The following CNIH3 variants were observed in gnomAD, a reference collection of about 807,000 sequenced individuals.
CNIH3 encodes protein cornichon homolog 3.
Under a neutral mutation model 24.1 loss-of-function variants are expected in CNIH3, and 14 were observed. That is an observed-to-expected ratio of 0.58 (90% CI 0.38 to 0.91). The LOEUF is 0.91. Ranked by LOEUF, CNIH3 falls within the 40% of genes least tolerant of loss-of-function variation. The pLI, the probability that CNIH3 is intolerant of heterozygous loss-of-function variation, is 0.00. For synonymous variants in CNIH3, 68 were observed against 73.8 expected (o/e 0.92, Z 0.40); for missense variants, 178 against 196.8 (o/e 0.90, Z 0.57).
chr1:224,730,381 C>A, intron 3 of CNIH3, 81 bp from the exon 4 acceptor site: 1 of 874,638 alleles, frequency 1.1e-6, no homozygotes, highest in Non-Finnish European at 1.8e-6. Flanking sequence ...AGGCAGTGTC[C>A]AGGCAGAAGT....
intron 3 of CNIH3, among the ~76,000 whole-genome samples, chr1:224,690,735 T>C (rs1457185307): frequency 2.0e-5 from 3 of 152,232 alleles, no homozygotes; most frequent in South Asian, 2.1e-4. Context: ...TCATTCTTCA[T>C]TGGGCATTCT....
At chr1:224,671,603 C>T (rs1409022696) in intron 1 of CNIH3, among the ~76,000 whole-genome samples, 1 of 152,238 alleles carries the variant, frequency 6.6e-6, no homozygotes, top group Non-Finnish European at 1.5e-5. Context: ...ACCTCTCATT[C>T]TTCTTGATTC....
intron 3 of CNIH3, among the ~76,000 whole-genome samples, chr1:224,594,555 A>G (rs772696252): frequency 1.4e-4 from 21 of 152,198 alleles, no homozygotes; most frequent in Non-Finnish European, 2.9e-4. Flanking sequence ...CACAAGGGAA[A>G]GCACCAGTGT....
At chr1:224,535,216 G>T (rs1679236688) in intron 2 of CNIH3, among the ~76,000 whole-genome samples, 1 of 152,180 alleles carries the variant, frequency 6.6e-6, no homozygotes, top group Non-Finnish European at 1.5e-5. Flanking sequence ...GACGCAGCGA[G>T]GAGAGCATCA....
At position 224,636,433 on chromosome 1, in the gene CNIH3, G is replaced by A. The variant is rs141840081; in HGVS notation, c.81+19178G>A. ...TCACAGCCTATTCAGGACGAAGCCC[G>A]GAGGGGAATTCTGCTTCCTAATTAC... On this transcript the variant is annotated intron_variant, in intron 1 of 5. Coordinates refer to ENST00000272133, the MANE Select transcript of CNIH3 (RefSeq NM_152495.2). Among the ~76,000 whole-genome samples, 168 of 152,298 alleles carry A rather than the reference G, an allele frequency of 1.1e-3. 3 individuals are homozygous for A. Among genetic ancestry groups the A allele is most frequent in the African/African-American group, 3.8e-3 (158 of 41,564 alleles).
intron 3 of CNIH3, among the ~76,000 whole-genome samples, chr1:224,547,419 C>T (rs1291012134): frequency 6.6e-6 from 1 of 151,722 alleles, no homozygotes; most frequent in African/African-American, 2.4e-5. Flanking sequence ...AGATATTACC[C>T]CTAATATTAC....
intron 3 of CNIH3, among the ~76,000 whole-genome samples, chr1:224,702,918 C>T (rs1471289389): frequency 6.6e-6 from 1 of 152,186 alleles, no homozygotes; most frequent in Non-Finnish European, 1.5e-5. Context: ...AGATAGTATC[C>T]TCTACCTTTA....
chr1:224,435,584 G>C (rs1294032755), intron 1 of CNIH3: 1 of 152,252 alleles, frequency 6.6e-6, no homozygotes, highest in African/African-American at 2.4e-5. Context: ...TCACTGCCCA[G>C]TTTAGGGAGC....
chr1:224,467,411 C>T (rs1485522521), intron 1 of CNIH3, among the ~76,000 whole-genome samples: 1 of 151,940 alleles, frequency 6.6e-6, no homozygotes, highest in Non-Finnish European at 1.5e-5. Context: ...TCAAGTTTTC[C>T]TGGATCATAG....
At chr1:224,631,192 G>A (rs1393459530) in intron 1 of CNIH3, among the ~76,000 whole-genome samples, 1 of 152,050 alleles carries the variant, frequency 6.6e-6, no homozygotes, top group East Asian at 1.9e-4. Flanking sequence ...AAAACCAAAG[G>A]TGCATGCTCA....
chr1:224,689,240 A>T (rs1195241230), intron 3 of CNIH3, among the ~76,000 whole-genome samples: 4 of 152,180 alleles, frequency 2.6e-5, no homozygotes, highest in Admixed American at 1.3e-4. Flanking sequence ...GGGTAAAAAT[A>T]ACAGGACCGT....
intron 3 of CNIH3, among the ~76,000 whole-genome samples, chr1:224,711,919 T>C (rs1192707289): frequency 6.6e-6 from 1 of 152,060 alleles, no homozygotes; most frequent in African/African-American, 2.4e-5. Flanking sequence ...CTGCTGTGCA[T>C]GCCACTCTCA....
intron 3 of CNIH3, among the ~76,000 whole-genome samples, chr1:224,725,377 G>T (rs944445892): frequency 6.6e-6 from 1 of 152,198 alleles, no homozygotes; most frequent in Non-Finnish European, 1.5e-5. Context: ...CTCAGCATGG[G>T]TAGCTGCTTT....
chr1:224,495,553 G>A (rs751684228), intron 1 of CNIH3, among the ~76,000 whole-genome samples: 1 of 152,178 alleles, frequency 6.6e-6, no homozygotes, highest in Non-Finnish European at 1.5e-5. Context: ...GCATCAATAT[G>A]AATGAATCAC....
intron 1 of CNIH3, among the ~76,000 whole-genome samples, chr1:224,492,492 G>A (rs1180297392): frequency 1.3e-5 from 2 of 152,188 alleles, no homozygotes; most frequent in Non-Finnish European, 2.9e-5. Context: ...TAAAGGTGAA[G>A]GAACTGAATA....
chr1:224,531,658 T>C (rs1313182991), intron 2 of CNIH3, among the ~76,000 whole-genome samples: 1 of 152,204 alleles, frequency 6.6e-6, no homozygotes, highest in Non-Finnish European at 1.5e-5. Context: ...AATAGAAGGA[T>C]TTTTAGCAGG....
In CNIH3 at chr1:224,729,495, C is replaced by CAAAGTATTCAT. The variant is rs1055494544; in HGVS notation, c.199-966_199-956dup. Among the ~76,000 whole-genome samples, 15 of 138,294 alleles carry CAAAGTATTCAT rather than the reference C, an allele frequency of 1.1e-4. No homozygotes were observed. In the Middle Eastern group the frequency reaches 0.012, roughly 113 times the overall value. 90.7% of individuals were successfully genotyped at this position (138,294 alleles called of 152,430 possible). On this transcript the variant is annotated intron_variant, in intron 3 of 5. Coordinates refer to ENST00000272133, the MANE Select transcript of CNIH3 (RefSeq NM_152495.2). Reference sequence around the variant, plus strand: ...TTTCAAAAGATTTTGATGGGAAGAACAAAGTATTCATGAGAGCCTAAACAA... The same window carrying CAAAGTATTCAT: ...TTTCAAAAGATTTTGATGGGAAGAACAAAGTATTCATAAAGTATTCATGAGAGCCTAAACAA...
intron 1 of CNIH3, among the ~76,000 whole-genome samples, chr1:224,620,967 G>A (rs192789190): frequency 1.3e-5 from 2 of 152,310 alleles, no homozygotes; most frequent in Non-Finnish European, 2.9e-5. Flanking sequence ...TCTCTGCTCC[G>A]GCTCGGTTAA....
intron 3 of CNIH3, among the ~76,000 whole-genome samples, chr1:224,720,577 T>G (rs753304145): frequency 6.6e-6 from 1 of 152,106 alleles, no homozygotes; most frequent in Non-Finnish European, 1.5e-5. Context: ...AGGGCGGAGC[T>G]CTCAGCTGTG....
Sources: gnomAD v4.1 joint callset for allele counts (sites outside exome capture counted in the v4.1 genomes callset) on GRCh38, gnomAD v4.1.1 for gene constraint, MANE v1.5 for transcripts, NCBI Gene and HGNC (gene_info 2026-07-23, HGNC 2026-07-21) for gene names.